LDLRAD3: variants seen among roughly 807,000 people sequenced by gnomAD.
LDLRAD3 encodes the protein low-density lipoprotein receptor class A domain-containing protein 3.
A neutral mutation model predicts 29.4 loss-of-function variants in LDLRAD3; 20 were observed. That is an observed-to-expected ratio of 0.68 (90% CI 0.48 to 0.99). The LOEUF is 0.99. Among genes scored for constraint, LDLRAD3 ranks in the 50% least tolerant of loss-of-function variants. The pLI, the probability that LDLRAD3 is intolerant of heterozygous loss-of-function variation, is 0.00. For synonymous variants in LDLRAD3, 157 were observed against 192.7 expected (o/e 0.81, Z 1.53); for missense variants, 420 against 454.3 (o/e 0.92, Z 0.69).
At chr11:36,047,850 C>T (rs922602621) in intron 2 of LDLRAD3, among the ~76,000 whole-genome samples, 2 of 152,172 alleles carry the variant, frequency 1.3e-5, no homozygotes, top group African/African-American at 4.8e-5. Context: ...AGGAAGCACA[C>T]AATCAATGTC....
chr11:36,157,378 A>G (rs1407907077), intron 4 of LDLRAD3, among the ~76,000 whole-genome samples: 1 of 152,206 alleles, frequency 6.6e-6, no homozygotes, highest in Admixed American at 6.5e-5. Context: ...AGAAGAGAAA[A>G]ACTTGAGAGG....
chr11:36,140,507 C>T (rs1217145470), intron 4 of LDLRAD3, among the ~76,000 whole-genome samples: 2 of 152,278 alleles, frequency 1.3e-5, no homozygotes, highest in East Asian at 3.9e-4. Flanking sequence ...CGGTTCACTG[C>T]AGCCTCTACT....
chr11:36,097,840 GA>G (rs144712584), intron 3 of LDLRAD3, among the ~76,000 whole-genome samples: 4 of 150,976 alleles, frequency 2.6e-5, no homozygotes, highest in South Asian at 2.1e-4. Flanking sequence ...AACAAAAATG[GA>G]AAAAAAAATT....
At chr11:36,049,177 A>G (rs1239867750) in intron 2 of LDLRAD3, among the ~76,000 whole-genome samples, 1 of 152,222 alleles carries the variant, frequency 6.6e-6, no homozygotes, top group Non-Finnish European at 1.5e-5. Flanking sequence ...GGTAATGGCT[A>G]ATAAAATTTA....
intron 3 of LDLRAD3, 60 bp downstream of exon 3, chr11:36,081,838 C>T (rs777692245): frequency 5.4e-5 from 86 of 1,598,002 alleles, no homozygotes; most frequent in Non-Finnish European, 7.1e-5. Context: ...CCAAACTTGT[C>T]CACATTGGTC....
At position 36,229,457 on chromosome 11, in the gene LDLRAD3, A is replaced by G; in HGVS notation, c.*60A>G. 2.4e-6 allele frequency: 3 copies of G among 1,264,152 alleles called. No individual in the cohort carries two copies. In the Admixed American group the frequency reaches 5.5e-5, roughly 23 times the overall value. The allele number at this position is 1,264,152 out of a possible 1,614,324, so 78.3% of individuals were successfully genotyped here. ...TGCTCTGACTTGTTGCCATTCTAACAATTTGTGCTCATGGGAAGCTCTTTA... is the reference window on the plus strand; with the variant it reads ...TGCTCTGACTTGTTGCCATTCTAACGATTTGTGCTCATGGGAAGCTCTTTA... On this transcript the variant is annotated 3_prime_UTR_variant, in exon 6 of 6. Transcript: ENST00000315571.
chr11:36,123,727 G>A (rs1485317632), intron 4 of LDLRAD3, among the ~76,000 whole-genome samples: 6 of 152,234 alleles, frequency 3.9e-5, no homozygotes, highest in African/African-American at 1.4e-4. Context: ...CCTGGCAGAT[G>A]TCCTGTTTTC....
chr11:36,110,566 G>A (rs1469184648), intron 4 of LDLRAD3, among the ~76,000 whole-genome samples: 1 of 152,176 alleles, frequency 6.6e-6, no homozygotes, highest in Non-Finnish European at 1.5e-5. Context: ...ATCCCTCCAT[G>A]GACTGACTGC....
intron 1 of LDLRAD3, among the ~76,000 whole-genome samples, chr11:35,991,475 A>G (rs1160785419): frequency 1.3e-5 from 2 of 152,090 alleles, no homozygotes; most frequent in African/African-American, 4.8e-5. Context: ...ACAGAAAAAA[A>G]CCTATAATGG....
chr11:36,214,309 C>T (rs910958067), intron 4 of LDLRAD3, among the ~76,000 whole-genome samples: 1 of 152,186 alleles, frequency 6.6e-6, no homozygotes, highest in African/African-American at 2.4e-5. Flanking sequence ...CAGGTCCAGT[C>T]TGCAGGGTTG....
chr11:36,063,311 G>A (rs1027699105), intron 2 of LDLRAD3, among the ~76,000 whole-genome samples: 3 of 152,062 alleles, frequency 2.0e-5, no homozygotes, highest in Non-Finnish European at 4.4e-5. Flanking sequence ...TCTTTATTTG[G>A]TTATGTTCAG....
chr11:36,035,672 GT>G (rs1399547583), intron 1 of LDLRAD3, among the ~76,000 whole-genome samples: 14 of 152,172 alleles, frequency 9.2e-5, no homozygotes, highest in African/African-American at 3.4e-4. Context: ...CAAGGATTCT[GT>G]GATTGTAAGG....
intron 2 of LDLRAD3, among the ~76,000 whole-genome samples, chr11:36,046,351 C>T (rs1213236437): frequency 6.6e-6 from 1 of 152,114 alleles, no homozygotes; most frequent in African/African-American, 2.4e-5. Flanking sequence ...TCCAATAAAC[C>T]TCTTTTTCTT....
intron 1 of LDLRAD3, among the ~76,000 whole-genome samples, chr11:36,021,772 G>A (rs1307341928): frequency 1.3e-5 from 2 of 152,162 alleles, no homozygotes; most frequent in African/African-American, 4.8e-5. Context: ...CTCCTGAGTA[G>A]CTGTGACTTA....
intron 2 of LDLRAD3, among the ~76,000 whole-genome samples, chr11:36,054,159 T>C (rs141926960): frequency 2.4e-3 from 361 of 152,332 alleles, no homozygotes; most frequent in Non-Finnish European, 3.9e-3. Context: ...TTCAGAAATA[T>C]TTTGTTTTTC....
Position 36,221,153 on chromosome 11 carries a change from G to A in LDLRAD3, c.455-5932G>A, listed in dbSNP as rs561784169. 5.9e-5 allele frequency among the ~76,000 whole-genome samples: 9 copies of A among 152,118 alleles called. No homozygotes were observed. In the South Asian group the frequency reaches 1.9e-3, roughly 32 times the overall value. On this transcript the variant is annotated intron_variant, in intron 4 of 5. Coordinates refer to ENST00000315571, the MANE Select transcript of LDLRAD3 (RefSeq NM_174902.4). ...ACTTGAGGTCAGGAGTTCAAGACTGGCCTGGCCATCATAGTGAAACCCCAT... is the reference window on the plus strand; with the variant it reads ...ACTTGAGGTCAGGAGTTCAAGACTGACCTGGCCATCATAGTGAAACCCCAT...
At chr11:36,156,011 T>C (rs1338083407) in intron 4 of LDLRAD3, among the ~76,000 whole-genome samples, 1 of 152,194 alleles carries the variant, frequency 6.6e-6, no homozygotes, top group African/African-American at 2.4e-5. Context: ...ACCATTTCTT[T>C]AGTGGTTCTC....
intron 1 of LDLRAD3, among the ~76,000 whole-genome samples, chr11:36,023,511 GTCTC>G (rs1852125037): frequency 6.6e-6 from 1 of 152,130 alleles, no homozygotes; most frequent in Admixed American, 6.5e-5. Context: ...CTGGGTTTTA[GTCTC>G]TCTCTATTAA....
At chr11:36,146,892 T>A (rs981874833) in intron 4 of LDLRAD3, among the ~76,000 whole-genome samples, 1 of 148,368 alleles carries the variant, frequency 6.7e-6, no homozygotes, top group Non-Finnish European at 1.5e-5. Flanking sequence ...CAGCTTCAAG[T>A]GATTCTCTCT....
Sources: allele counts gnomAD v4.1 joint callset (sites outside exome capture counted in the v4.1 genomes callset), GRCh38; gene constraint gnomAD v4.1.1; transcripts MANE v1.5; gene names NCBI Gene and HGNC (gene_info 2026-07-23, HGNC 2026-07-21).